The following RECQL4 variants were observed in gnomAD, a reference collection of about 807,000 sequenced individuals.
The protein encoded by RECQL4 is RecQ like helicase 4.
In RECQL4, 158 loss-of-function variants were observed where a neutral mutation model predicts 128.6. The observed-to-expected ratio is 1.23, with a 90% CI of 1.08 to 1.40. The LOEUF is 1.40. Among genes scored for constraint, RECQL4 ranks in the 40% most tolerant of loss-of-function variants. The probability of loss-of-function intolerance (pLI) is 0.00; values close to 1 mark genes in which losing one functional copy is unlikely to be tolerated. For synonymous variants in RECQL4, 996 were observed against 678.9 expected (o/e 1.47, Z -7.26); for missense variants, 2,293 against 1,649.8 (o/e 1.39, Z -6.75).
In RECQL4 at chr8:144,516,155, G is replaced by A. The variant is rs780176764; in HGVS notation, c.964C>T (p.Leu322Phe). 1 of 1,613,364 alleles carries A rather than the reference G, an allele frequency of 6.2e-7. No homozygotes were observed. Among genetic ancestry groups the A allele is most frequent in the Non-Finnish European group, 8.5e-7 (1 of 1,179,874 alleles). The change falls in exon 5 of 21, where the codon CTC becomes TTC. Residue 322 changes from leucine to phenylalanine, a missense_variant. Coordinates refer to ENST00000617875, the MANE Select transcript of RECQL4 (RefSeq NM_004260.4). ...GCCCTAGCTTGACTGGAGGGGCTGA[G>A]TCCGTGGTACCTGGGGTTCGATGGG... is the stretch of plus-strand genomic sequence containing the variant. The part of the protein sequence containing the change: ...SSPSNPRYHG[L>F]SPSSQARAGK...
rs752313281 is a variant in RECQL4 at position 144,514,279 on chromosome 8, C to G, written c.1788G>C (p.Leu596=). The G allele has an allele frequency of 7.4e-6, 12 of 1,611,792 alleles. No individual in the cohort carries two copies. The African/African-American group carries it at 1.6e-4, about 22-fold the overall frequency. Residue 596 remains leucine, a synonymous_variant, in exon 11 of 21, where the codon CTG becomes CTC. Transcript: ENST00000617875. The part of the protein sequence containing the change: ...GAGGLPPAAQ[L]PPVAFACIDE... ...CAATGCAGGCAAAAGCAACTGGAGG[C>G]AGCTGTGCGGCTGGAGGGAGGCCTC...
chr8:144,516,396 G>C lies in RECQL4; in HGVS notation c.723C>G (p.Ala241=), dbSNP rs1338048779. 1.2e-6 allele frequency: 2 copies of C among 1,609,644 alleles called. No individual in the cohort carries two copies. The highest frequency in any genetic ancestry group is 1.1e-5 in the South Asian group (1 of 90,986). ...GAGSQGPEAS[A]FQEVSIRVGS... Reference sequence around the variant, plus strand: ...CCACACGGATGCTGACTTCTTGGAAGGCTGAAGCCTCTGGGCCCTGGGAGC... The same window carrying C: ...CCACACGGATGCTGACTTCTTGGAACGCTGAAGCCTCTGGGCCCTGGGAGC... The change falls in exon 5 of 21, where the codon GCC becomes GCG. Residue 241 remains alanine (A), a synonymous_variant. Transcript: ENST00000617875.
chr8:144,515,007 G>A lies in RECQL4; in HGVS notation c.1549C>T (p.Leu517=). 6.2e-7 allele frequency: 1 copy of A among 1,611,186 alleles called. No individual in the cohort carries two copies. Among genetic ancestry groups the A allele is most frequent in the South Asian group, 1.1e-5 (1 of 90,820 alleles). Reference sequence around the variant, plus strand: ...CAGGGGCTGCGCCGGCTGTAGAGCAGCGCTGGGAGCTGGTAGCACAGGGAC... The same window carrying A: ...CAGGGGCTGCGCCGGCTGTAGAGCAACGCTGGGAGCTGGTAGCACAGGGAC... The part of the protein sequence containing the change: ...GKSLCYQLPA[L]LYSRRSPCLT... The change falls in exon 9 of 21, where the codon CTG becomes TTG. Residue 517 remains leucine, a synonymous_variant. Coordinates refer to ENST00000617875, the MANE Select transcript of RECQL4 (RefSeq NM_004260.4).
intron 3 of RECQL4, 83 bp from the exon 4 acceptor site, chr8:144,517,273 G>A (rs1815285595): frequency 4.0e-6 from 6 of 1,513,902 alleles, no homozygotes; most frequent in Non-Finnish European, 4.4e-6. Context: ...CGCACCTGGA[G>A]CGAGGCCCGG....
intron 7 of RECQL4, 39 bp downstream of exon 7, chr8:144,515,287 C>T: frequency 1.9e-6 from 3 of 1,610,754 alleles, no homozygotes; most frequent in Non-Finnish European, 2.5e-6. Context: ...TCACCCCAAC[C>T]CCTCAGTGAA....
At position 144,514,083 on chromosome 8, in the gene RECQL4, G is replaced by GCA; in HGVS notation, c.1901_1902dup (p.His635CysfsTer56). 2 of 1,597,126 alleles carry GCA rather than the reference G, an allele frequency of 1.3e-6. No individual in the cohort carries two copies. The highest frequency in any genetic ancestry group is 1.7e-6 in the Non-Finnish European group (2 of 1,173,104). Reference sequence around the variant, plus strand: ...GTGGCTGTGAGGCCCAGGAAGCAGTGCACGCCCATGCGCTCCCGAAGCACC... The same window carrying GCA: ...GTGGCTGTGAGGCCCAGGAAGCAGTGCACACGCCCATGCGCTCCCGAAGCACC... On this transcript the variant is annotated frameshift_variant, in exon 12 of 21. Coordinates refer to ENST00000617875, the MANE Select transcript of RECQL4 (RefSeq NM_004260.4). LOFTEE classifies it high-confidence loss of function.
chr8:144,513,228 A>G lies in RECQL4; in HGVS notation c.2453T>C (p.Leu818Pro), dbSNP rs1387192172. Reference protein sequence around the residue: ...DGQPAHCHLFLQPQGEDLREL... With the variant: ...DGQPAHCHLFPQPQGEDLREL... The stretch of plus-strand genomic sequence containing the variant: ...GGGGGGGGTGCCAACCTGGGGCTGC[A>G]GGAAGAGGTGGCAGTGGGCAGGCTG... The change falls in exon 14 of 21, where the codon CTG becomes CCG. Residue 818 changes from leucine to proline, a missense_variant. Leu to Pro is a moderately conservative substitution (Grantham distance 98). Coordinates refer to ENST00000617875, the MANE Select transcript of RECQL4 (RefSeq NM_004260.4). 1 of 1,578,980 alleles carries G rather than the reference A, an allele frequency of 6.3e-7. No individual in the cohort carries two copies. The highest frequency in any genetic ancestry group is 1.3e-5 in the African/African-American group (1 of 74,132).
rs564678543 is a variant in RECQL4, at chr8:144,516,324, G to A, written c.795C>T (p.Asn265=). The A allele has an allele frequency of 1.2e-6, 2 of 1,609,572 alleles. No homozygotes were observed. The highest frequency in any genetic ancestry group is 1.7e-6 in the Non-Finnish European group (2 of 1,179,232). Reference sequence around the variant, plus strand: ...GTGCGGGGCTCTCCCAGGGCTCCTCGTTCCATCTCCGCTTCTCGCCTCCAC... The same window carrying A: ...GTGCGGGGCTCTCCCAGGGCTCCTCATTCCATCTCCGCTTCTCGCCTCCAC... The part of the protein sequence containing the change: ...SSSGGEKRRW[N]EEPWESPAQV... Residue 265 remains asparagine (N), a synonymous_variant, in exon 5 of 21, where the codon AAC becomes AAT. Transcript: ENST00000617875.
rs774570166 is a variant in RECQL4, at chr8:144,512,278, G to T, written c.3102C>A (p.Ala1034=). ...AGTCCCCCGGGCTGCGAAGGTGGAA[G>T]GCCAGCTCACTGAACTCCACAAGCA... ...TGVLVEFSEL[A]FHLRSPGDLT... The change falls in exon 18 of 21, where the codon GCC becomes GCA. Residue 1034 remains alanine (A), a synonymous_variant. Coordinates refer to ENST00000617875, the MANE Select transcript of RECQL4 (RefSeq NM_004260.4). The T allele has an allele frequency of 1.2e-6, 2 of 1,612,526 alleles. No homozygotes were observed. The highest frequency in any genetic ancestry group is 8.5e-7 in the Non-Finnish European group (1 of 1,179,790).
chr8:144,511,790 C>T lies in RECQL4; in HGVS notation c.3394-1G>A, dbSNP rs752301125. ...GGACCTGGTCCTCCCAATCCTGGAG[C>T]TGTGTGGACAGGCACATCAGGCTTC... On this transcript the variant is annotated splice_acceptor_variant, in intron 19 of 20. Coordinates refer to ENST00000617875, the MANE Select transcript of RECQL4 (RefSeq NM_004260.4). LOFTEE classifies it high-confidence loss of function. 6.2e-6 allele frequency: 10 copies of T among 1,612,448 alleles called. No individual in the cohort carries two copies. Among genetic ancestry groups the T allele is most frequent in the Non-Finnish European group, 8.5e-6 (10 of 1,179,750 alleles).
In RECQL4 at chr8:144,516,748, C is replaced by T. The variant is rs368160871; in HGVS notation, c.371G>A (p.Gly124Asp). 42 of 1,524,906 alleles carry T rather than the reference C, an allele frequency of 2.8e-5. No individual in the cohort carries two copies. Among genetic ancestry groups the T allele is most frequent in the Non-Finnish European group, 3.6e-5 (41 of 1,140,324 alleles). 94.5% of individuals were successfully genotyped at this position (1,524,906 alleles called of 1,614,324 possible). A position where few individuals can be genotyped will look rare whatever the true frequency, so the allele number is the denominator to read the frequency against. Residue 124 changes from glycine to aspartate, a missense_variant, in exon 5 of 21, where the codon GGC becomes GAC. Physicochemically the swap from Gly to Asp is moderately conservative, Grantham distance 94. Transcript: ENST00000617875. ...TCTTCCTAGAGGCCACGGTCTGCGG[C>T]CCAGGGCTGGTCCGGCCTGGGAGGG... ...KGTLQAGPAL[G>D]RRPWPLGRAS...
rs1184969354 is a variant in RECQL4 at position 144,515,390 on chromosome 8, C to T, written c.1326G>A (p.Glu442=). Residue 442 remains glutamate, a synonymous_variant, in exon 7 of 21, where the codon GAG becomes GAA. Coordinates refer to ENST00000617875, the MANE Select transcript of RECQL4 (RefSeq NM_004260.4). The stretch of plus-strand genomic sequence containing the variant: ...GCACGGTGGGGTCCAGGCTGGGCAC[C>T]TCAGGTACAGGTTGTGGTGAAGGAA... ...PLVPSPQPVP[E]VPSLDPTVLP... 5 of 1,612,686 alleles carry T rather than the reference C, an allele frequency of 3.1e-6. No homozygotes were observed. Among genetic ancestry groups the T allele is most frequent in the African/African-American group, 2.7e-5 (2 of 74,938 alleles).
rs1185016923 is a variant in RECQL4 at position 144,513,979 on chromosome 8, T to C, written c.2007A>G (p.Pro669=). 2 of 1,564,986 alleles carry C rather than the reference T, an allele frequency of 1.3e-6. No individual in the cohort carries two copies. Among genetic ancestry groups the C allele is most frequent in the Admixed American group, 1.9e-5 (1 of 53,506 alleles). ...AEEPDLHGPA[P]VPTNLHLSVS... ...CGGAAAGGTGCAGGTTGGTGGGAACTGGGGCTGGCCCGTGGAGGTCAGGCT... is the reference window on the plus strand; with the variant it reads ...CGGAAAGGTGCAGGTTGGTGGGAACCGGGGCTGGCCCGTGGAGGTCAGGCT... The change falls in exon 12 of 21, where the codon CCA becomes CCG. Residue 669 remains proline, a synonymous_variant. Transcript: ENST00000617875.
Position 144,513,701 on chromosome 8 carries a change from C to T in RECQL4, c.2070G>A (p.Thr690=), listed in dbSNP as rs779945948. The T allele has an allele frequency of 6.4e-5, 99 of 1,541,266 alleles. No homozygotes were observed. In the Middle Eastern group the frequency reaches 6.7e-4, roughly 10 times the overall value. Residue 690 remains threonine, a synonymous_variant, in exon 13 of 21, where the codon ACG becomes ACA. Coordinates refer to ENST00000617875, the MANE Select transcript of RECQL4 (RefSeq NM_004260.4). ...TTTGAAAACGTTTGCCTTGCAGCAG[C>T]GTCAACAGTGCCTGATGAGGAGCGG... The part of the protein sequence containing the change: ...MDRDTDQALL[T]LLQGKRFQNL...
chr8:144,514,935 C>A lies in RECQL4; in HGVS notation c.1620+1G>T. On this transcript the variant is annotated splice_donor_variant, in intron 9 of 20. Coordinates refer to ENST00000617875, the MANE Select transcript of RECQL4 (RefSeq NM_004260.4). LOFTEE classifies it high-confidence loss of function. ...GTGTGCCCAGGGCCCTGTGTGCACA[C>A]CTGGTCATCCATGAGTGACAGCAGG... is the stretch of plus-strand genomic sequence containing the variant. The A allele has an allele frequency of 6.2e-7, 1 of 1,611,030 alleles. No individual in the cohort carries two copies. The highest frequency in any genetic ancestry group is 8.5e-7 in the Non-Finnish European group (1 of 1,179,436).
rs772168426 is a variant in RECQL4, at chr8:144,513,623, G to T, written c.2148C>A (p.Ile716=). 3 of 1,601,268 alleles carry T rather than the reference G, an allele frequency of 1.9e-6. No individual in the cohort carries two copies. The highest frequency in any genetic ancestry group is 2.2e-5 in the South Asian group (2 of 89,370). Residue 716 remains isoleucine, a synonymous_variant, in exon 13 of 21, where the codon ATC becomes ATA. Coordinates refer to ENST00000617875, the MANE Select transcript of RECQL4 (RefSeq NM_004260.4). ...GCAGGCAGGTTCGGAGGAGCGCAGCGATCCGCTCTGTGTCCTCGCGCCGGT... is the reference window on the plus strand; with the variant it reads ...GCAGGCAGGTTCGGAGGAGCGCAGCTATCCGCTCTGTGTCCTCGCGCCGGT... ...YCNRREDTER[I]AALLRTCLHA...
intron 2 of RECQL4, 37 bp downstream of exon 2, chr8:144,517,565 G>C (rs1815387447): frequency 6.7e-7 from 1 of 1,500,362 alleles, no homozygotes; most frequent in African/African-American, 1.5e-5. Flanking sequence ...TGCCGACCCG[G>C]TGTCTTCTCG....
At position 144,516,597 on chromosome 8, in the gene RECQL4, A is replaced by G. The variant is rs1199878425; in HGVS notation, c.522T>C (p.His174=). The change falls in exon 5 of 21, where the codon CAT becomes CAC. Residue 174 remains histidine, a synonymous_variant. Coordinates refer to ENST00000617875, the MANE Select transcript of RECQL4 (RefSeq NM_004260.4). ...EPQPRPGRLQ[H]LQASLSQRLG... is the part of the protein sequence containing the mutation. ...GCCGCTGGCTCAGGGATGCCTGCAG[A>G]TGCTGGAGCCGGCCTGGCCTTGGCT... 2 of 1,610,708 alleles carry G rather than the reference A, an allele frequency of 1.2e-6. No homozygotes were observed. The highest frequency in any genetic ancestry group is 2.2e-5 in the South Asian group (2 of 90,842).
Position 144,513,781 on chromosome 8 carries a change from G to A in RECQL4, c.2059-69C>T, listed in dbSNP as rs1314726244. The A allele has an allele frequency of 5.9e-6, 8 of 1,351,260 alleles. No homozygotes were observed. In the Admixed American group the frequency reaches 1.2e-4, roughly 20 times the overall value. 83.7% of individuals were successfully genotyped at this position (1,351,260 alleles called of 1,614,324 possible). ...GTCGGCGTGTGCAGTGGGGAGTGAGGAGGGGTCGGCGTGGGGAGTGAGGAG... is the reference window on the plus strand; with the variant it reads ...GTCGGCGTGTGCAGTGGGGAGTGAGAAGGGGTCGGCGTGGGGAGTGAGGAG... On this transcript the variant is annotated intron_variant, in intron 12 of 20. Transcript: ENST00000617875.
Sources: gnomAD v4.1 joint callset for allele counts on GRCh38, gnomAD v4.1.1 for gene constraint, MANE v1.5 for transcripts, NCBI Gene and HGNC (gene_info 2026-07-23, HGNC 2026-07-21) for gene names.